The following DGKZ variants were observed in gnomAD, a reference collection of about 807,000 sequenced individuals.
DGKZ encodes DAG kinase zeta.
In DGKZ, 45 loss-of-function variants were observed where a neutral mutation model predicts 142.5. That is an observed-to-expected ratio of 0.32 (90% CI 0.25 to 0.40). The LOEUF is 0.40. Among genes scored for constraint, DGKZ ranks in the 10% least tolerant of loss-of-function variants. The pLI, the probability that DGKZ is intolerant of heterozygous loss-of-function variation, is 1.00. For missense variants in DGKZ, 755 were observed against 1,306.5 expected, an observed-to-expected ratio of 0.58 and a Z score of 6.51; for synonymous variants, 442 against 527.0, an observed-to-expected ratio of 0.84 and a Z score of 2.21.
intron 9 of DGKZ, 47 bp downstream of exon 9, chr11:46,371,822 G>T (rs1324488796): frequency 6.3e-7 from 1 of 1,583,924 alleles, no homozygotes; most frequent in Non-Finnish European, 8.6e-7. Flanking sequence ...GGAGAGAGGG[G>T]TCTGTTGCTC....
intron 1 of DGKZ, among the ~76,000 whole-genome samples, chr11:46,348,272 T>G (rs982168128): frequency 6.6e-6 from 1 of 152,192 alleles, no homozygotes; most frequent in Non-Finnish European, 1.5e-5. Flanking sequence ...CCTTTGGACT[T>G]TCGTGGGACC....
At chr11:46,358,317 G>A (rs1396548456) in intron 1 of DGKZ, among the ~76,000 whole-genome samples, 1 of 152,044 alleles carries the variant, frequency 6.6e-6, no homozygotes, top group Non-Finnish European at 1.5e-5. Flanking sequence ...TTTACATGAA[G>A]GAATATGAAA....
rs760978680 is a variant in DGKZ, at chr11:46,379,584, G to T, written c.2688+16G>T. 3 of 1,595,578 alleles carry T rather than the reference G, an allele frequency of 1.9e-6. No individual in the cohort carries two copies. The South Asian group carries it at 3.4e-5, about 18-fold the overall frequency. ...AGACCAGCAGGTGAGCAGACGGCAG[G>T]CAGGGAGCCCACGAGGGCACCAACC... On this transcript the variant is annotated intron_variant, in intron 30 of 30. Coordinates refer to ENST00000527911, the Ensembl canonical transcript of DGKZ.
chr11:46,361,676 G>A, intron 1 of DGKZ: 1 of 985,556 alleles, frequency 1.0e-6, no homozygotes, highest in African/African-American at 1.7e-5. Context: ...GGGGACCCCA[G>A]CTCCCACCTG....
intron 24 of DGKZ, 99 bp downstream of exon 24, chr11:46,376,663 C>G: frequency 1.3e-6 from 2 of 1,484,996 alleles, no homozygotes; most frequent in Non-Finnish European, 1.9e-6. Context: ...ATGGGCTCAC[C>G]TCTGTCCTCA....
chr11:46,356,085 C>A (rs778471829), intron 1 of DGKZ, among the ~76,000 whole-genome samples: 29 of 152,194 alleles, frequency 1.9e-4, no homozygotes, highest in Non-Finnish European at 2.9e-4. Context: ...GGAAATGCTT[C>A]TCCCAGCAGA....
At chr11:46,355,634 C>G (rs1941930231) in intron 1 of DGKZ, among the ~76,000 whole-genome samples, 1 of 152,132 alleles carries the variant, frequency 6.6e-6, no homozygotes, top group South Asian at 2.1e-4. Context: ...ACTGTGAAGG[C>G]CTTTGTCCCC....
intron 1 of DGKZ, among the ~76,000 whole-genome samples, chr11:46,335,122 T>A (rs1473556991): frequency 6.6e-6 from 1 of 152,138 alleles, no homozygotes; most frequent in Non-Finnish European, 1.5e-5. Flanking sequence ...AAGACCAGCC[T>A]GGCCAACATG....
chr11:46,377,061 C>G lies in DGKZ; in HGVS notation c.2203-12C>G, dbSNP rs1273775645. 1 of 1,612,148 alleles carries G rather than the reference C, an allele frequency of 6.2e-7. No individual in the cohort carries two copies. The highest frequency in any genetic ancestry group is 8.5e-7 in the Non-Finnish European group (1 of 1,179,672). On this transcript the variant is annotated splice_polypyrimidine_tract_variant and intron_variant, in intron 24 of 30. Coordinates refer to ENST00000527911, the Ensembl canonical transcript of DGKZ. The stretch of plus-strand genomic sequence containing the variant: ...AGGTGCCCTGACCTCCCGCCCTGAC[C>G]TCCCCCCACAGGAGCACCTCAACTA...
intron 1 of DGKZ, among the ~76,000 whole-genome samples, chr11:46,348,118 A>G (rs950140477): frequency 1.8e-4 from 28 of 152,138 alleles, no homozygotes; most frequent in Admixed American, 1.8e-3. Context: ...TCGGCTCCCA[A>G]CCCTCCAGCA....
chr11:46,336,144 G>C (rs1294214126), intron 1 of DGKZ, among the ~76,000 whole-genome samples: 1 of 152,240 alleles, frequency 6.6e-6, no homozygotes, highest in Non-Finnish European at 1.5e-5. Context: ...TGCTTCTGAC[G>C]TAAGTGAGGA....
In DGKZ at chr11:46,374,929, T is replaced by C. The variant is rs2046768; in HGVS notation, c.1599-5T>C. On this transcript the variant is annotated splice_polypyrimidine_tract_variant and splice_region_variant and intron_variant, in intron 18 of 30. Coordinates refer to ENST00000527911, the Ensembl canonical transcript of DGKZ. ...TGAGGCCCATGTCATCGCCCGCCTTTGCAGGTACTGTGCGGGCACCATGCC... is the reference window on the plus strand; with the variant it reads ...TGAGGCCCATGTCATCGCCCGCCTTCGCAGGTACTGTGCGGGCACCATGCC... 0.18 allele frequency: 276,342 copies of C among 1,577,480 alleles called. 26,976 individuals carry two copies. The highest frequency in any genetic ancestry group is 0.4 in the African/African-American group (29,770 of 74,322).
chr11:46,346,361 G>C (rs903631940), upstream of DGKZ, among the ~76,000 whole-genome samples: 3 of 152,202 alleles, frequency 2.0e-5, no homozygotes, highest in African/African-American at 7.2e-5. Context: ...GGAGGTGGAA[G>C]ACCATGCTTC....
intron 1 of DGKZ, chr11:46,364,937 A>T: frequency 1.0e-6 from 1 of 985,350 alleles, no homozygotes; most frequent in Non-Finnish European, 1.2e-6. Context: ...TCTCCCCAGG[A>T]CCAGGGCCCA....
exon 21 of DGKZ, chr11:46,375,905 C>T (rs1202006812): frequency 7.5e-6 from 12 of 1,594,790 alleles, no homozygotes; most frequent in Admixed American, 1.8e-5. Context: ...TCAGCATGCA[C>T]GACTATGAGG....
chr11:46,339,629 A>G (rs530562620), intron 1 of DGKZ, among the ~76,000 whole-genome samples: 121 of 152,190 alleles, frequency 8.0e-4, no homozygotes, highest in Non-Finnish European at 1.5e-3. Context: ...CCAGCAGCCC[A>G]TGTCCCCCAG....
exon 1 of DGKZ, chr11:46,333,329 C>T (rs1376763486): frequency 9.0e-6 from 12 of 1,327,372 alleles, no homozygotes; most frequent in Non-Finnish European, 1.1e-5. Flanking sequence ...CTGGCGGCGG[C>T]CGGGCAGCCG....
upstream of DGKZ, among the ~76,000 whole-genome samples, chr11:46,344,975 A>G (rs1307263324): frequency 6.6e-6 from 1 of 151,964 alleles, no homozygotes; most frequent in East Asian, 1.9e-4. Context: ...TCTCTACACC[A>G]CCTTCCTGTA....
At position 46,376,310 on chromosome 11, in the gene DGKZ, C is replaced by T. The variant is rs1554960096; in HGVS notation, c.2092-18C>T. 2 of 1,613,910 alleles carry T rather than the reference C, an allele frequency of 1.2e-6. No homozygotes were observed. Among genetic ancestry groups the T allele is most frequent in the South Asian group, 1.1e-5 (1 of 91,086 alleles). Reference sequence around the variant, plus strand: ...GGCCCCCACTCTATCCCAGCCTGGCCTTTGCTTCTCTCAACAGGAGCCCGA... The same window carrying T: ...GGCCCCCACTCTATCCCAGCCTGGCTTTTGCTTCTCTCAACAGGAGCCCGA... On this transcript the variant is annotated intron_variant, in intron 22 of 30. Coordinates refer to ENST00000527911, the Ensembl canonical transcript of DGKZ.
Sources: allele counts gnomAD v4.1 joint callset (sites outside exome capture counted in the v4.1 genomes callset), GRCh38; gene constraint gnomAD v4.1.1; transcripts MANE v1.5; gene names NCBI Gene and HGNC (gene_info 2026-07-23, HGNC 2026-07-21).